Variants in NELL2 observed in about 807,000 individuals in gnomAD.
The protein encoded by NELL2 is neural EGFL like 2.
Under a neutral mutation model 109.6 loss-of-function variants are expected in NELL2, and 41 were observed. That is an observed-to-expected ratio of 0.37 (90% CI 0.29 to 0.49). The LOEUF (loss-of-function observed/expected upper bound fraction) is 0.49, where lower values mean the gene tolerates loss of function less well. Among genes scored for constraint, NELL2 ranks in the 20% least tolerant of loss-of-function variants. The pLI is 0.98. For synonymous variants in NELL2, 355 were observed against 344.7 expected (o/e 1.03, Z -0.33); for missense variants, 900 against 1,008.3 (o/e 0.89, Z 1.45).
intron 3 of NELL2, among the ~76,000 whole-genome samples, chr12:44,807,941 TG>T (rs1319106266): frequency 6.6e-6 from 1 of 152,014 alleles, no homozygotes; most frequent in East Asian, 1.9e-4. Flanking sequence ...AGAGTAGATG[TG>T]AAGGAGCTAC....
chr12:44,657,515 T>C (rs1947552275), intron 13 of NELL2, among the ~76,000 whole-genome samples: 2 of 152,184 alleles, frequency 1.3e-5, no homozygotes. Context: ...AGTTCTGGGA[T>C]ACATGTGCAG....
intron 13 of NELL2, among the ~76,000 whole-genome samples, chr12:44,646,722 A>G (rs930698620): frequency 6.6e-6 from 1 of 152,206 alleles, no homozygotes; most frequent in Admixed American, 6.5e-5. Context: ...TGTGCAGTGA[A>G]AAGTTCAACT....
intron 15 of NELL2, among the ~76,000 whole-genome samples, chr12:44,590,200 AT>A (rs1411585511): frequency 2.0e-5 from 3 of 151,912 alleles, no homozygotes; most frequent in Non-Finnish European, 4.4e-5. Context: ...TTGCATATAT[AT>A]TTTTATACTT....
At chr12:44,671,763 T>A (rs1168143170) in intron 12 of NELL2, among the ~76,000 whole-genome samples, 2 of 151,918 alleles carry the variant, frequency 1.3e-5, no homozygotes, top group Non-Finnish European at 1.5e-5. Flanking sequence ...CAAGACTGGA[T>A]CGGGAATAAA....
intron 2 of NELL2, among the ~76,000 whole-genome samples, chr12:44,817,629 T>G (rs913455472): frequency 6.6e-6 from 1 of 152,056 alleles, no homozygotes; most frequent in African/African-American, 2.4e-5. Flanking sequence ...AAAGCAGAGA[T>G]ACGAAAGGGC....
At chr12:44,909,334 C>CCA (rs750963252) in intron 1 of NELL2, among the ~76,000 whole-genome samples, 22 of 151,244 alleles carry the variant, frequency 1.5e-4, no homozygotes, top group Non-Finnish European at 2.2e-4. Flanking sequence ...TTTACAATAG[C>CCA]CACACACACA....
chr12:44,581,034 C>A (rs1944303625), intron 15 of NELL2, among the ~76,000 whole-genome samples: 1 of 152,160 alleles, frequency 6.6e-6, no homozygotes, highest in Admixed American at 6.5e-5. Flanking sequence ...TTGCATGGGA[C>A]AATTTACATT....
intron 2 of NELL2, among the ~76,000 whole-genome samples, chr12:44,820,759 G>C (rs568494146): frequency 1.3e-5 from 2 of 152,304 alleles, no homozygotes; most frequent in African/African-American, 4.8e-5. Context: ...TGCAGTGGAA[G>C]CCTGATGGTA....
intron 12 of NELL2, among the ~76,000 whole-genome samples, chr12:44,691,078 G>A (rs1025868077): frequency 6.6e-6 from 1 of 152,070 alleles, no homozygotes. Context: ...TACAACTGTG[G>A]GGAGCTGTTT....
intron 16 of NELL2, among the ~76,000 whole-genome samples, chr12:44,524,123 C>A (rs1056659872): frequency 6.6e-6 from 1 of 152,144 alleles, no homozygotes; most frequent in African/African-American, 2.4e-5. Flanking sequence ...TACAAAGAAA[C>A]CACTATTTTT....
chr12:44,791,083 A>ACACATATATATATG lies in NELL2; in HGVS notation c.336-11062_336-11061insCATATATATATGTG, dbSNP rs1566403372. On this transcript the variant is annotated intron_variant, in intron 3 of 19. Coordinates refer to ENST00000429094, the MANE Select transcript of NELL2 (RefSeq NM_001145108.2). ...AGTTCAAGTATATATATATATATAC[A>ACACATATATATATG]TATATATATATATGTATATATATAT... Among the ~76,000 whole-genome samples the ACACATATATATATG allele has an allele frequency of 4.8e-4, 4 of 8,370 alleles. 1 individual carries two copies. The highest frequency in any genetic ancestry group is 1.3e-3 in the African/African-American group (4 of 3,132). 5.5% of individuals were successfully genotyped at this position (8,370 alleles called of 152,430 possible). A position where few individuals can be genotyped will look rare whatever the true frequency, so the allele number is the denominator to read the frequency against.
chr12:44,711,509 G>C, intron 10 of NELL2, 115 bp from the exon 11 acceptor site: 2 of 769,176 alleles, frequency 2.6e-6, no homozygotes, highest in Admixed American at 2.3e-5. Context: ...TTGTCCTGAG[G>C]ACCTCTGCAC....
intron 12 of NELL2, among the ~76,000 whole-genome samples, chr12:44,669,608 T>C (rs374986249): frequency 6.6e-6 from 1 of 151,882 alleles, no homozygotes; most frequent in African/African-American, 2.4e-5. Flanking sequence ...ATAAAAAATG[T>C]AATAGCTTCA....
chr12:44,514,095 C>A (rs1941139212), intron 19 of NELL2, among the ~76,000 whole-genome samples: 1 of 151,678 alleles, frequency 6.6e-6, no homozygotes, highest in Non-Finnish European at 1.5e-5. Context: ...GTATCAGAAA[C>A]AATGGAAACT....
At chr12:44,711,815 T>C (rs1456037852) in intron 10 of NELL2, among the ~76,000 whole-genome samples, 1 of 152,078 alleles carries the variant, frequency 6.6e-6, no homozygotes, top group Non-Finnish European at 1.5e-5. Flanking sequence ...AAAGTTTTAT[T>C]ATAAGGAGAT....
At chr12:44,718,329 A>C (rs908283631) in intron 9 of NELL2, among the ~76,000 whole-genome samples, 2 of 152,208 alleles carry the variant, frequency 1.3e-5, no homozygotes, top group Non-Finnish European at 2.9e-5. Flanking sequence ...GAATTCTCTA[A>C]CTGAAAAGTA....
At chr12:44,872,674 T>G (rs561360486) in intron 2 of NELL2, among the ~76,000 whole-genome samples, 3 of 152,248 alleles carry the variant, frequency 2.0e-5, no homozygotes, top group African/African-American at 4.8e-5. Flanking sequence ...CAGGAAAAAT[T>G]TGATGGTCCA....
intron 13 of NELL2, among the ~76,000 whole-genome samples, chr12:44,613,599 C>G (rs897628080): frequency 6.6e-6 from 1 of 152,018 alleles, no homozygotes; most frequent in African/African-American, 2.4e-5. Context: ...AATATTAATT[C>G]CTTTACACTA....
intron 2 of NELL2, among the ~76,000 whole-genome samples, chr12:44,818,130 C>T (rs1419077523): frequency 2.6e-5 from 4 of 152,214 alleles, no homozygotes; most frequent in Non-Finnish European, 5.9e-5. Context: ...GGCTCTATTA[C>T]AGATAAGACA....
Sources: allele counts gnomAD v4.1 joint callset (sites outside exome capture counted in the v4.1 genomes callset), GRCh38; gene constraint gnomAD v4.1.1; transcripts MANE v1.5; gene names NCBI Gene and HGNC (gene_info 2026-07-23, HGNC 2026-07-21).